The following CILK1 variants were observed in gnomAD, a reference collection of about 807,000 sequenced individuals.
CILK1 encodes the protein serine/threonine-protein kinase ICK.
Under a neutral mutation model 79.2 loss-of-function variants are expected in CILK1, and 47 were observed. The observed-to-expected ratio is 0.59, with a 90% CI of 0.47 to 0.76. The LOEUF is 0.76. Among genes scored for constraint, CILK1 ranks in the 30% least tolerant of loss-of-function variants. The pLI, the probability that CILK1 is intolerant of heterozygous loss-of-function variation, is 0.00. For synonymous variants in CILK1, 266 were observed against 275.9 expected (o/e 0.96, Z 0.36); for missense variants, 660 against 769.5 (o/e 0.86, Z 1.68).
chr6:53,048,093 G>A (rs1273176867), intron 1 of CILK1, among the ~76,000 whole-genome samples: 1 of 152,216 alleles, frequency 6.6e-6, no homozygotes, highest in South Asian at 2.1e-4. Flanking sequence ...AACGTGAAAG[G>A]TGCCCACTGG....
In CILK1 at chr6:53,013,922, G is replaced by A; in HGVS notation, c.892C>T (p.Gln298Ter). The A allele has an allele frequency of 6.2e-7, 1 of 1,614,134 alleles. No homozygotes were observed. The highest frequency in any genetic ancestry group is 8.5e-7 in the Non-Finnish European group (1 of 1,180,020). ...CCTTTCTGTGGTTTTTCTGAATCCT[G>A]AAGGTTTTGTGTGGTGCTGCCTAGT... ...HPLGSTTQNL[Q>*]DSEKPQKGIL... Residue 298 changes from glutamine (Q) to a stop codon, truncating the protein, a stop_gained, in exon 9 of 14, where the codon CAG becomes TAG. Transcript: ENST00000676107. LOFTEE classifies it high-confidence loss of function.
chr6:53,017,362 G>A (rs1764952377), intron 7 of CILK1, among the ~76,000 whole-genome samples: 1 of 152,212 alleles, frequency 6.6e-6, no homozygotes, highest in Non-Finnish European at 1.5e-5. Flanking sequence ...AGCTGAAGAT[G>A]GGGAGGAGAT....
intron 8 of CILK1, among the ~76,000 whole-genome samples, chr6:53,015,529 A>T (rs1270058208): frequency 6.6e-6 from 1 of 152,250 alleles, no homozygotes; most frequent in Non-Finnish European, 1.5e-5. Context: ...TTTCTCACTC[A>T]CAGAATTGAA....
Position 53,006,423 on chromosome 6 carries a change from T to C in CILK1, c.1636A>G (p.Thr546Ala), listed in dbSNP as rs746235785. Residue 546 changes from threonine to alanine, a missense_variant, in exon 13 of 14, where the codon ACA (threonine) becomes GCA (alanine). Coordinates refer to ENST00000676107, the MANE Select transcript of CILK1 (RefSeq NM_014920.5). ...SKVNSVGSSS[T>A]SSSGLTGNYV... ...TTTCCAGTCAGTCCACTAGAACTTG[T>C]AGAGCTGGAACCAACTGATTTGCAA... The C allele has an allele frequency of 1.9e-6, 3 of 1,613,934 alleles. No homozygotes were observed. Among genetic ancestry groups the C allele is most frequent in the Middle Eastern group, 1.7e-4 (1 of 6,060 alleles).
intron 4 of CILK1, among the ~76,000 whole-genome samples, chr6:53,031,491 T>C (rs192434553): frequency 3.0e-4 from 45 of 152,316 alleles, no homozygotes; most frequent in Admixed American, 2.2e-3. Context: ...ACTGCCGTCA[T>C]TGTCAATAAA....
intron 5 of CILK1, among the ~76,000 whole-genome samples, chr6:53,027,728 G>C (rs927676364): frequency 1.3e-5 from 2 of 152,204 alleles, no homozygotes; most frequent in African/African-American, 4.8e-5. Flanking sequence ...ATAGGGGCTG[G>C]GTGCAGTGGC....
chr6:53,046,426 G>A (rs1320028259), intron 1 of CILK1, among the ~76,000 whole-genome samples: 1 of 151,990 alleles, frequency 6.6e-6, no homozygotes, highest in African/African-American at 2.4e-5. Context: ...ATTATCACTG[G>A]GAAAGCTATC....
intron 3 of CILK1, among the ~76,000 whole-genome samples, chr6:53,034,232 A>G (rs951179974): frequency 2.0e-5 from 3 of 152,162 alleles, no homozygotes; most frequent in African/African-American, 7.2e-5. Flanking sequence ...CTAGGCAAGG[A>G]GTGGGGTGCC....
chr6:53,005,281 C>T lies in CILK1; in HGVS notation c.1767G>A (p.Met589Ile). The T allele has an allele frequency of 6.2e-7, 1 of 1,614,202 alleles. No individual in the cohort carries two copies. The highest frequency in any genetic ancestry group is 8.5e-7 in the Non-Finnish European group (1 of 1,180,028). ...AGAATGGTCGCCCAGGATGAGGTCT[C>T]ATGGCCTTCAGGGAGGAATAACCTG... ...PSPGYSSLKA[M>I]RPHPGRPFFH... is the part of the protein sequence containing the mutation. The change falls in exon 14 of 14, where the codon ATG becomes ATA. Residue 589 changes from methionine (M) to isoleucine (I), a missense_variant. Physicochemically the swap from Met to Ile is conservative, Grantham distance 10. Coordinates refer to ENST00000676107, the MANE Select transcript of CILK1 (RefSeq NM_014920.5).
chr6:53,007,865 G>A (rs1423955814), intron 12 of CILK1, among the ~76,000 whole-genome samples: 2 of 151,804 alleles, frequency 1.3e-5, no homozygotes, highest in Non-Finnish European at 2.9e-5. Flanking sequence ...GCTTGAACCA[G>A]GGAGGCAGAG....
At chr6:53,039,637 TG>T (rs1276083144) in intron 2 of CILK1, among the ~76,000 whole-genome samples, 1 of 152,170 alleles carries the variant, frequency 6.6e-6, no homozygotes, top group Non-Finnish European at 1.5e-5. Context: ...GCACTTGGGA[TG>T]GGGTGCTGGC....
At chr6:53,038,100 T>C (rs926846066) in intron 2 of CILK1, 107 bp from the exon 3 acceptor site, 3 of 758,764 alleles carry the variant, frequency 4.0e-6, no homozygotes, top group Non-Finnish European at 7.1e-6. Context: ...GTACTTAAAG[T>C]GGGTTTAAAT....
intron 13 of CILK1, 94 bp from the exon 14 acceptor site, chr6:53,005,397 T>C: frequency 7.4e-7 from 1 of 1,355,992 alleles, no homozygotes; most frequent in Non-Finnish European, 1.0e-6. Flanking sequence ...CATGAGAAAA[T>C]AAGGAGTTCA....
In CILK1 at chr6:53,005,117, C is replaced by T; in HGVS notation, c.*32G>A. On this transcript the variant is annotated 3_prime_UTR_variant, in exon 14 of 14. Transcript: ENST00000676107. ...GCTGAGGGAAAGTATCCTGCTTCTC[C>T]CTAGGAAGAGATTCATCACCAAGGC... 1 of 1,613,390 alleles carries T rather than the reference C, an allele frequency of 6.2e-7. No homozygotes were observed.
intron 7 of CILK1, among the ~76,000 whole-genome samples, chr6:53,016,623 A>G (rs1764909117): frequency 6.6e-6 from 1 of 152,244 alleles, no homozygotes; most frequent in African/African-American, 2.4e-5. Context: ...ACAAAATAAA[A>G]CAAAACATTT....
chr6:53,006,170 T>C (rs751513339), intron 13 of CILK1, 145 bp downstream of exon 13: 20 of 697,370 alleles, frequency 2.9e-5, no homozygotes, highest in South Asian at 1.9e-4. Context: ...ATATGTTATA[T>C]AGCACTTATT....
At chr6:53,049,685 T>A (rs911699348) in intron 1 of CILK1, among the ~76,000 whole-genome samples, 1 of 152,132 alleles carries the variant, frequency 6.6e-6, no homozygotes, top group African/African-American at 2.4e-5. Flanking sequence ...CCACAGAGCT[T>A]CAGTCAAAGG....
Position 53,009,437 on chromosome 6 carries a change from A to G in CILK1, c.1621+2T>C. 3 of 1,614,034 alleles carry G rather than the reference A, an allele frequency of 1.9e-6. No individual in the cohort carries two copies. The highest frequency in any genetic ancestry group is 2.5e-6 in the Non-Finnish European group (3 of 1,179,928). ...ATTTAGGGGTTAATGATCATTACTC[A>G]CCTGAATTTACTTTGCTGATTACTG... On this transcript the variant is annotated splice_donor_variant, in intron 12 of 13. Transcript: ENST00000676107. LOFTEE classifies it high-confidence loss of function.
At chr6:53,045,385 A>G (rs953692488) in intron 1 of CILK1, among the ~76,000 whole-genome samples, 1 of 152,176 alleles carries the variant, frequency 6.6e-6, no homozygotes, top group Non-Finnish European at 1.5e-5. Flanking sequence ...GGTTTGACTT[A>G]CGATATTTTG....
Sources: gnomAD v4.1 joint callset for allele counts (sites outside exome capture counted in the v4.1 genomes callset) on GRCh38, gnomAD v4.1.1 for gene constraint, MANE v1.5 for transcripts, NCBI Gene and HGNC (gene_info 2026-07-23, HGNC 2026-07-21) for gene names.